TRIM49: variants seen among roughly 807,000 people sequenced by gnomAD.
TRIM49 encodes tripartite motif containing 49.
TRIM49 carries 5 observed loss-of-function variants against 27.4 expected under a neutral mutation model. The ratio of observed to expected loss-of-function variants is 0.18; its 90% CI spans 0.10 to 0.38. The LOEUF (loss-of-function observed/expected upper bound fraction) is 0.38, where lower values mean the gene tolerates loss of function less well. Among genes scored for constraint, TRIM49 ranks in the 10% least tolerant of loss-of-function variants. TRIM49 has a pLI of 1.00. For synonymous variants in TRIM49, 69 were observed against 166.0 expected, an observed-to-expected ratio of 0.42 and a Z score of 4.49; for missense variants, 188 against 487.5, an observed-to-expected ratio of 0.39 and a Z score of 5.79.
At chr11:89,785,226 G>GAATGAATA in the TRIM49 span, among the ~76,000 whole-genome samples, 3 of 133,216 alleles carry the variant, frequency 2.3e-5, no homozygotes, top group African/African-American at 9.4e-5. Flanking sequence ...CTGCCTCAGT[G>GAATGAATA]AATAAATAAA....
the TRIM49 span, chr11:89,768,124 G>C: frequency 1.2e-6 from 1 of 851,932 alleles, no homozygotes; most frequent in Non-Finnish European, 1.8e-6. Flanking sequence ...CACTGGGAAG[G>C]CTGCCCATAG....
the TRIM49 span, among the ~76,000 whole-genome samples, chr11:89,769,905 A>C: frequency 8.5e-6 from 1 of 117,962 alleles, no homozygotes; most frequent in Non-Finnish European, 1.6e-5. Flanking sequence ...GGATATGGGT[A>C]GAGTCCAGTG....
the TRIM49 span, among the ~76,000 whole-genome samples, chr11:89,790,582 G>A: frequency 6.6e-6 from 1 of 151,992 alleles, no homozygotes; most frequent in African/African-American, 2.4e-5. Flanking sequence ...AGCAACATTT[G>A]CTGTTCAGCA....
chr11:89,777,041 T>C, the TRIM49 span: 2 of 1,549,056 alleles, frequency 1.3e-6, no homozygotes, highest in Admixed American at 2.0e-5. Context: ...TTGCGTGAAC[T>C]ACTTCATAGA....
At chr11:89,773,096 C>T in the TRIM49 span, among the ~76,000 whole-genome samples, 1 of 136,504 alleles carries the variant, frequency 7.3e-6, no homozygotes, top group Admixed American at 6.9e-5. Context: ...GAGGCTGAGG[C>T]AGGAGAATCA....
chr11:89,777,701 TTGA>T, the TRIM49 span, among the ~76,000 whole-genome samples: 2 of 150,694 alleles, frequency 1.3e-5, no homozygotes, highest in African/African-American at 4.9e-5. Flanking sequence ...TCTCAGAAAA[TTGA>T]TGATATTATC....
At chr11:89,802,490 C>T (rs1321103911) in intron 4 of TRIM49, among the ~76,000 whole-genome samples, 3 of 150,896 alleles carry the variant, frequency 2.0e-5, no homozygotes. Flanking sequence ...CTTTGTGGTT[C>T]TTCCGGCCTC....
the TRIM49 span, chr11:89,777,362 A>G: frequency 6.5e-7 from 1 of 1,531,240 alleles, no homozygotes; most frequent in Non-Finnish European, 8.8e-7. Context: ...CACACCCAAT[A>G]GGATGGGCTG....
At chr11:89,800,154 CT>C (rs1253068232) in intron 6 of TRIM49, among the ~76,000 whole-genome samples, 1 of 141,850 alleles carries the variant, frequency 7.0e-6, no homozygotes, top group Non-Finnish European at 1.5e-5. Context: ...TAGCGGGGTT[CT>C]GGGGAGACTG....
chr11:89,790,517 A>G, the TRIM49 span, among the ~76,000 whole-genome samples: 2 of 151,976 alleles, frequency 1.3e-5, no homozygotes, highest in Non-Finnish European at 2.9e-5. Context: ...GCAGACTGAC[A>G]CCTCACACGG....
the TRIM49 span, among the ~76,000 whole-genome samples, chr11:89,770,558 G>C: frequency 6.5e-4 from 92 of 142,580 alleles, 6 homozygotes; most frequent in Middle Eastern, 0.011. Flanking sequence ...TCTGACCATA[G>C]TATTAAAAAT....
intron 6 of TRIM49, among the ~76,000 whole-genome samples, chr11:89,800,484 C>T (rs1168268792): frequency 6.6e-6 from 1 of 151,528 alleles, no homozygotes; most frequent in Admixed American, 6.5e-5. Context: ...TGGTTCACGC[C>T]TGTAATCCCA....
At chr11:89,792,697 G>A (rs1262587266), downstream of TRIM49, among the ~76,000 whole-genome samples, 6 of 152,218 alleles carry the variant, frequency 3.9e-5, no homozygotes, top group Admixed American at 6.5e-5. Flanking sequence ...TGAAACCAAC[G>A]AGAACAAAGA....
intron 6 of TRIM49, 69 bp downstream of exon 6, chr11:89,800,897 T>C (rs1949730742): frequency 1.1e-6 from 1 of 943,972 alleles, no homozygotes; most frequent in Non-Finnish European, 1.6e-6. Flanking sequence ...TGCCATGACT[T>C]TAATAGAGCC....
chr11:89,807,663 C>T (rs71255073), intron 1 of TRIM49, among the ~76,000 whole-genome samples: 4 of 149,098 alleles, frequency 2.7e-5, no homozygotes, highest in Admixed American at 6.6e-5. Context: ...CAAGTAGCTA[C>T]GACTTTAGGC....
the TRIM49 span, among the ~76,000 whole-genome samples, chr11:89,790,237 G>A: frequency 7.4e-6 from 1 of 134,970 alleles, no homozygotes; most frequent in Non-Finnish European, 1.6e-5. Flanking sequence ...TGAGGCTTGA[G>A]TATGTAAACA....
the TRIM49 span, chr11:89,768,326 T>G: frequency 8.0e-6 from 11 of 1,370,864 alleles, 1 homozygote; most frequent in Non-Finnish European, 1.0e-5. Flanking sequence ...TTTCTGATGT[T>G]TGTGTTTAAG....
At chr11:89,796,692 G>A (rs868559853), downstream of TRIM49, among the ~76,000 whole-genome samples, 3,500 of 145,900 alleles carry the variant, frequency 0.024, 1 homozygote, top group East Asian at 0.069. Context: ...CAATTTTATC[G>A]TTTAAATTGG....
the TRIM49 span, chr11:89,766,711 C>G: frequency 3.4e-5 from 50 of 1,485,394 alleles, 4 homozygotes; most frequent in Non-Finnish European, 4.0e-5. Context: ...CTTTCAAAAT[C>G]AAGAAACACA....
Sources: gnomAD v4.1 joint callset for allele counts (sites outside exome capture counted in the v4.1 genomes callset) on GRCh38, gnomAD v4.1.1 for gene constraint, MANE v1.5 for transcripts, NCBI Gene and HGNC (gene_info 2026-07-23, HGNC 2026-07-21) for gene names.